TNR: variants seen among roughly 807,000 people sequenced by gnomAD.
TNR encodes the protein tenascin R.
A neutral mutation model predicts 150.4 loss-of-function variants in TNR; 45 were observed. The ratio of observed to expected loss-of-function variants is 0.30; its 90% CI spans 0.24 to 0.38. TNR has a LOEUF of 0.38. Ranked by LOEUF, TNR falls within the 10% of genes least tolerant of loss-of-function variation. The probability of loss-of-function intolerance (pLI) is 1.00; values close to 1 mark genes in which losing one functional copy is unlikely to be tolerated. For missense variants in TNR, 1,544 were observed against 1,759.1 expected, an observed-to-expected ratio of 0.88 and a Z score of 2.19; for synonymous variants, 687 against 678.4, an observed-to-expected ratio of 1.01 and a Z score of -0.20.
chr1:175,325,977 C>T (rs1193727325), intron 21 of TNR, among the ~76,000 whole-genome samples: 6 of 152,010 alleles, frequency 3.9e-5, no homozygotes, highest in African/African-American at 1.5e-4. Flanking sequence ...TGTAACAAAC[C>T]TGCACATTGT....
intron 1 of TNR, among the ~76,000 whole-genome samples, chr1:175,564,981 T>C (rs1661584308): frequency 6.6e-6 from 1 of 152,218 alleles, no homozygotes; most frequent in Non-Finnish European, 1.5e-5. Context: ...AATAAATGGC[T>C]AAAAGGCAGG....
At chr1:175,494,400 G>A (rs902334887) in intron 2 of TNR, among the ~76,000 whole-genome samples, 13 of 152,378 alleles carry the variant, frequency 8.5e-5, no homozygotes, top group African/African-American at 3.1e-4. Flanking sequence ...ATGCAACTCT[G>A]CAGCAGTAGA....
intron 2 of TNR, among the ~76,000 whole-genome samples, chr1:175,480,027 G>A (rs907793085): frequency 6.6e-6 from 1 of 152,054 alleles, no homozygotes; most frequent in Non-Finnish European, 1.5e-5. Flanking sequence ...AAGGAGCAGA[G>A]GGAGGAGAGG....
At chr1:175,673,270 T>C (rs376953363) in intron 1 of TNR, among the ~76,000 whole-genome samples, 1 of 152,158 alleles carries the variant, frequency 6.6e-6, no homozygotes. Context: ...GATTAGAGAA[T>C]GGATGAAACA....
At chr1:175,668,845 G>T (rs1225386564) in intron 1 of TNR, among the ~76,000 whole-genome samples, 1 of 152,224 alleles carries the variant, frequency 6.6e-6, no homozygotes, top group Non-Finnish European at 1.5e-5. Flanking sequence ...ATAGGGTTGT[G>T]ATATGTACTC....
intron 1 of TNR, among the ~76,000 whole-genome samples, chr1:175,644,850 T>G (rs1000983676): frequency 6.6e-6 from 1 of 152,276 alleles, no homozygotes; most frequent in Non-Finnish European, 1.5e-5. Context: ...CACATCTTCT[T>G]TCTGTGTCAG....
At chr1:175,608,241 A>T (rs1458052971) in intron 1 of TNR, among the ~76,000 whole-genome samples, 1 of 152,252 alleles carries the variant, frequency 6.6e-6, no homozygotes, top group Non-Finnish European at 1.5e-5. Context: ...ACTACAACTC[A>T]ATGGGAAAGG....
chr1:175,712,043 A>G (rs1040661813), intron 1 of TNR, among the ~76,000 whole-genome samples: 3 of 152,150 alleles, frequency 2.0e-5, no homozygotes, highest in Non-Finnish European at 4.4e-5. Flanking sequence ...TATAATAACA[A>G]TAATAAAAAC....
rs528058728 is a variant in TNR, at chr1:175,318,946, C to T, written c.*4411G>A. On this transcript the variant is annotated 3_prime_UTR_variant, in exon 23 of 23. Transcript: ENST00000367674. ...CCCAACTTCTTTGGGATTATTGAAA[C>T]TGAACTGAATTTTGAATCTTTCAGA... 3 of 152,292 alleles carry T rather than the reference C, an allele frequency of 2.0e-5. 1 individual carries two copies. The highest frequency in any genetic ancestry group is 7.2e-5 in the African/African-American group (3 of 41,552). 9.4% of individuals were successfully genotyped at this position (152,292 alleles called of 1,614,324 possible).
chr1:175,575,744 C>T (rs1224421317), intron 1 of TNR, among the ~76,000 whole-genome samples: 3 of 152,118 alleles, frequency 2.0e-5, no homozygotes, highest in African/African-American at 7.2e-5. Flanking sequence ...AGAGAGCCCG[C>T]ACCACAGTGC....
chr1:175,365,113 A>T lies in TNR; in HGVS notation c.2484T>A (p.His828Gln). 1 of 1,613,994 alleles carries T rather than the reference A, an allele frequency of 6.2e-7. No individual in the cohort carries two copies. Among genetic ancestry groups the T allele is most frequent in the Non-Finnish European group, 8.5e-7 (1 of 1,179,978 alleles). The change falls in exon 12 of 23, where the codon CAT becomes CAA. Residue 828 changes from histidine (H) to glutamine (Q), a missense_variant. By Grantham distance (24) the His-to-Gln change is conservative. Around this residue, in one of 2 missense-constraint regions of TNR, gnomAD observed 1,254 missense variants for 1,329.4 expected, o/e 0.94. Transcript: ENST00000367674. ...MEVSLDATKR[H>Q]AVLMGLQPAT... Reference sequence around the variant, plus strand: ...CTGGTTGCAGGCCCATCAGGACAGCATGCCTCTTGGTGGCATCCAGGGAGA... The same window carrying T: ...CTGGTTGCAGGCCCATCAGGACAGCTTGCCTCTTGGTGGCATCCAGGGAGA...
Position 175,406,291 on chromosome 1 carries a change from C to G in TNR, c.424G>C (p.Glu142Gln), listed in dbSNP as rs754366062. ...QVLQELLSRIEMLEREVSVLR... is the reference protein window; with the variant it reads ...QVLQELLSRIQMLEREVSVLR... The stretch of plus-strand genomic sequence containing the variant: ...ACCGACACCTCCCTCTCCAGCATCT[C>G]GATCCGGCTCAGCAGCTCCTGCAGC... The change falls in exon 3 of 23, where the codon GAG becomes CAG. Residue 142 changes from glutamate to glutamine, a missense_variant. Glu to Gln is a conservative substitution (Grantham distance 29). Coordinates refer to ENST00000367674, the MANE Select transcript of TNR (RefSeq NM_003285.3). 2 of 1,614,178 alleles carry G rather than the reference C, an allele frequency of 1.2e-6. No homozygotes were observed. The highest frequency in any genetic ancestry group is 1.3e-5 in the African/African-American group (1 of 75,036).
intron 8 of TNR, among the ~76,000 whole-genome samples, chr1:175,382,419 T>C (rs947768113): frequency 4.6e-5 from 7 of 152,236 alleles, no homozygotes; most frequent in Non-Finnish European, 1.0e-4. Context: ...CCCTGCTCTT[T>C]GCAGCCAGAT....
chr1:175,333,788 T>C (rs1241549398), intron 20 of TNR, among the ~76,000 whole-genome samples: 3 of 151,966 alleles, frequency 2.0e-5, no homozygotes, highest in Non-Finnish European at 2.9e-5. Flanking sequence ...CCACAGGCAA[T>C]AGGGGAGAAA....
chr1:175,536,830 A>G (rs7515041), intron 1 of TNR, among the ~76,000 whole-genome samples: 91,940 of 152,062 alleles, frequency 0.6, 28,584 homozygotes, highest in East Asian at 0.69. Flanking sequence ...AATATTATAG[A>G]AATTCAGTCA....
At position 175,403,354 on chromosome 1, in the gene TNR, C is replaced by T; in HGVS notation, c.762G>A (p.Glu254=). The change falls in exon 4 of 23, where the codon GAG becomes GAA. Residue 254 remains glutamate, a synonymous_variant. Transcript: ENST00000367674. ...LCVDGECVCE[E]PYTGEDCREL... ...CCCTGCAGTCCTCGCCAGTGTAGGG[C>T]TCTTCACAGACACACTCCCCGTCCA... 2.5e-6 allele frequency: 4 copies of T among 1,614,142 alleles called. No homozygotes were observed. Among genetic ancestry groups the T allele is most frequent in the Non-Finnish European group, 2.5e-6 (3 of 1,180,008 alleles).
At chr1:175,678,142 CA>C (rs1452062628) in intron 1 of TNR, among the ~76,000 whole-genome samples, 1 of 152,224 alleles carries the variant, frequency 6.6e-6, no homozygotes, top group Non-Finnish European at 1.5e-5. Context: ...GCCTGGTACA[CA>C]AAATTTCCCA....
intron 2 of TNR, among the ~76,000 whole-genome samples, chr1:175,426,637 T>C (rs1259987994): frequency 1.3e-5 from 2 of 151,732 alleles, no homozygotes; most frequent in Non-Finnish European, 2.9e-5. Context: ...TCATGGCCAA[T>C]TTAGAAAAGG....
chr1:175,535,208 G>C (rs1017136682), intron 1 of TNR, among the ~76,000 whole-genome samples: 1 of 152,150 alleles, frequency 6.6e-6, no homozygotes, highest in Non-Finnish European at 1.5e-5. Flanking sequence ...TTGGCTCCTT[G>C]CTGAAGTCCC....
Sources: allele counts gnomAD v4.1 joint callset (sites outside exome capture counted in the v4.1 genomes callset), GRCh38; gene constraint gnomAD v4.1.1; regional missense constraint gnomAD v4.1.1; transcripts MANE v1.5; gene names NCBI Gene and HGNC (gene_info 2026-07-23, HGNC 2026-07-21).